The following ARRB1 variants were observed in gnomAD, a reference collection of about 807,000 sequenced individuals.
ARRB1 encodes beta-arrestin-1.
A neutral mutation model predicts 56.8 loss-of-function variants in ARRB1; 21 were observed. That is an observed-to-expected ratio of 0.37 (90% confidence interval 0.26 to 0.53). ARRB1 has a LOEUF of 0.53. Among genes scored for constraint, ARRB1 ranks in the 20% least tolerant of loss-of-function variants. The pLI is 0.88. For missense variants in ARRB1, 424 were observed against 553.7 expected, an observed-to-expected ratio of 0.77 and a Z score of 2.35; for synonymous variants, 210 against 218.6, an observed-to-expected ratio of 0.96 and a Z score of 0.35.
intron 1 of ARRB1, among the ~76,000 whole-genome samples, chr11:75,349,686 T>C (rs1947818745): frequency 6.6e-6 from 1 of 152,164 alleles, no homozygotes; most frequent in Non-Finnish European, 1.5e-5. Context: ...GTCAAGAGGG[T>C]CTTAATTTCA....
chr11:75,274,085 G>T lies in ARRB1; in HGVS notation c.903C>A (p.Ala301=), dbSNP rs748580669. The change falls in exon 11 of 16, where the codon GCC becomes GCA. Residue 301 remains alanine, a synonymous_variant. Coordinates refer to ENST00000420843, the MANE Select transcript of ARRB1 (RefSeq NM_004041.5). ...GGGCAGGTCCTCACAGGGTGCTAGA[G>T]GCCAAGTTCGTGTCTTCGTGCTTGA... ...GKLKHEDTNL[A]SSTLLREGAN... is the part of the protein sequence containing the mutation. 2 of 1,614,108 alleles carry T rather than the reference G, an allele frequency of 1.2e-6. No homozygotes were observed. The highest frequency in any genetic ancestry group is 2.7e-5 in the African/African-American group (2 of 74,946).
chr11:75,302,596 C>A (rs1357601874), intron 1 of ARRB1, among the ~76,000 whole-genome samples: 1 of 152,160 alleles, frequency 6.6e-6, no homozygotes, highest in Non-Finnish European at 1.5e-5. Context: ...AGCAGACAGT[C>A]CCTGCCTGAG....
intron 10 of ARRB1, among the ~76,000 whole-genome samples, chr11:75,275,291 G>C (rs1439186475): frequency 6.6e-6 from 1 of 151,438 alleles, no homozygotes; most frequent in Admixed American, 6.6e-5. Flanking sequence ...GGATCACAGG[G>C]GCGCGCCACC....
intron 1 of ARRB1, among the ~76,000 whole-genome samples, chr11:75,295,245 A>C (rs1476020924): frequency 1.5e-5 from 2 of 129,970 alleles, no homozygotes; most frequent in East Asian, 2.3e-4. Flanking sequence ...AAAAAAAAAA[A>C]ACACACACAC....
chr11:75,296,185 CAA>C (rs11428462), intron 1 of ARRB1, among the ~76,000 whole-genome samples: 7 of 84,860 alleles, frequency 8.2e-5, no homozygotes, highest in Non-Finnish European at 1.3e-4. Context: ...GACTTTGTCT[CAA>C]AAAAAAAAAA....
At chr11:75,316,671 A>T (rs1397378131) in intron 1 of ARRB1, among the ~76,000 whole-genome samples, 1 of 152,094 alleles carries the variant, frequency 6.6e-6, no homozygotes, top group Non-Finnish European at 1.5e-5. Flanking sequence ...AATCCCAGCA[A>T]CTCAGAAGAC....
chr11:75,290,073 GC>G (rs1946569683), intron 1 of ARRB1, 34 bp from the exon 2 acceptor site: 1 of 1,613,650 alleles, frequency 6.2e-7, no homozygotes. Context: ...GCCAGGGTTC[GC>G]GTATCCTGCC....
At chr11:75,311,410 G>A (rs563142653) in intron 1 of ARRB1, among the ~76,000 whole-genome samples, 3 of 152,214 alleles carry the variant, frequency 2.0e-5, no homozygotes, top group Non-Finnish European at 2.9e-5. Flanking sequence ...TTCTTTCTGG[G>A]ATGGGCAGGG....
At chr11:75,276,987 TG>T in intron 9 of ARRB1, 76 bp from the exon 10 acceptor site, 1 of 1,146,102 alleles carries the variant, frequency 8.7e-7, no homozygotes. Context: ...GTCCCCGGGT[TG>T]GGGATATTCA....
chr11:75,294,734 G>A (rs1054028399), intron 1 of ARRB1, among the ~76,000 whole-genome samples: 3 of 151,996 alleles, frequency 2.0e-5, no homozygotes, highest in African/African-American at 7.3e-5. Context: ...AAGCCTGGGG[G>A]TATGGGAGTA....
intron 1 of ARRB1, among the ~76,000 whole-genome samples, chr11:75,294,626 A>G (rs1345586010): frequency 6.6e-6 from 1 of 151,964 alleles, no homozygotes; most frequent in Non-Finnish European, 1.5e-5. Flanking sequence ...TATTTTTTTA[A>G]TGAAATGGAA....
Position 75,336,064 on chromosome 11 carries a change from T to A in ARRB1, c.20+15524A>T, listed in dbSNP as rs148335621. ...ATGAGCCTGCAGCCCTGCTCTCCCATCTCGCAGCCCGTGCCTCTGCCCTGT... is the reference window on the plus strand; with the variant it reads ...ATGAGCCTGCAGCCCTGCTCTCCCAACTCGCAGCCCGTGCCTCTGCCCTGT... On this transcript the variant is annotated intron_variant, in intron 1 of 15. Coordinates refer to ENST00000420843, the MANE Select transcript of ARRB1 (RefSeq NM_004041.5). 5.4e-3 allele frequency among the ~76,000 whole-genome samples: 819 copies of A among 152,214 alleles called. 9 individuals are homozygous for A. The highest frequency in any genetic ancestry group is 0.019 in the African/African-American group (778 of 41,524).
chr11:75,342,314 T>G (rs1947703366), intron 1 of ARRB1, among the ~76,000 whole-genome samples: 1 of 152,062 alleles, frequency 6.6e-6, no homozygotes, highest in Non-Finnish European at 1.5e-5. Flanking sequence ...CCTCCCAGCC[T>G]CACCACCTCA....
At chr11:75,280,899 A>AC in intron 7 of ARRB1, 176 bp downstream of exon 7, 1 of 686,016 alleles carries the variant, frequency 1.5e-6, no homozygotes, top group Middle Eastern at 2.5e-4. Flanking sequence ...AGTCGAAGCC[A>AC]CCTCCCCAAG....
intron 13 of ARRB1, among the ~76,000 whole-genome samples, chr11:75,269,881 T>G (rs968030864): frequency 1.3e-5 from 2 of 152,202 alleles, no homozygotes; most frequent in Non-Finnish European, 2.9e-5. Flanking sequence ...AAAGCAACCC[T>G]GAAGGCTCCT....
intron 1 of ARRB1, among the ~76,000 whole-genome samples, chr11:75,343,651 G>A (rs993206230): frequency 2.6e-5 from 4 of 152,128 alleles, no homozygotes; most frequent in East Asian, 1.9e-4. Context: ...TGTCAGAGCT[G>A]GGACTGGAAA....
intron 2 of ARRB1, among the ~76,000 whole-genome samples, chr11:75,288,286 C>G (rs1435801099): frequency 6.6e-6 from 1 of 152,236 alleles, no homozygotes; most frequent in African/African-American, 2.4e-5. Context: ...CCACCTCACA[C>G]AGTTAGCAGT....
chr11:75,289,039 C>A (rs555726143), intron 2 of ARRB1, among the ~76,000 whole-genome samples: 8 of 152,136 alleles, frequency 5.3e-5, no homozygotes, highest in Non-Finnish European at 1.0e-4. Flanking sequence ...CTGTCTCGGA[C>A]TCTGGGCTGA....
intron 14 of ARRB1, among the ~76,000 whole-genome samples, chr11:75,268,090 C>T (rs1384091750): frequency 1.3e-5 from 2 of 152,072 alleles, no homozygotes; most frequent in African/African-American, 4.8e-5. Context: ...TGTGTCTTAC[C>T]GTCGATGGCA....
Sources: gnomAD v4.1 joint callset for allele counts (sites outside exome capture counted in the v4.1 genomes callset) on GRCh38, gnomAD v4.1.1 for gene constraint, MANE v1.5 for transcripts, NCBI Gene and HGNC (gene_info 2026-07-23, HGNC 2026-07-21) for gene names.